Variants in CELF4 observed in about 807,000 individuals in gnomAD.
CELF4 encodes CUGBP Elav-like family member 4, also known as CUG-BP- and ETR-3-like factor 4.
A neutral mutation model predicts 59.9 loss-of-function variants in CELF4; 18 were observed. That is an observed-to-expected ratio of 0.30 (90% CI 0.21 to 0.45). The LOEUF (loss-of-function observed/expected upper bound fraction) is 0.45, where lower values mean the gene tolerates loss of function less well. Among genes scored for constraint, CELF4 ranks in the 20% least tolerant of loss-of-function variants. The pLI is 1.00. For missense variants in CELF4, 456 were observed against 689.0 expected, an observed-to-expected ratio of 0.66 and a Z score of 3.79; for synonymous variants, 261 against 267.1, an observed-to-expected ratio of 0.98 and a Z score of 0.22.
At chr18:37,350,617 T>G (rs1432849542) in intron 2 of CELF4, among the ~76,000 whole-genome samples, 3 of 152,236 alleles carry the variant, frequency 2.0e-5, no homozygotes, top group Non-Finnish European at 4.4e-5. Context: ...GGGGTTGCTC[T>G]GTTTTACTGA....
chr18:37,275,557 G>A (rs1335660782), intron 3 of CELF4: 1 of 384,642 alleles, frequency 2.6e-6, no homozygotes, highest in East Asian at 6.0e-5. Flanking sequence ...GCACCCTGAG[G>A]AGCAGAGACC....
intron 9 of CELF4, 79 bp downstream of exon 9, chr18:37,266,454 C>T: frequency 7.3e-7 from 1 of 1,370,388 alleles, no homozygotes; most frequent in Non-Finnish European, 1.0e-6. Flanking sequence ...GGCCCCAGGC[C>T]TGAGGGGGCA....
chr18:37,275,341 C>A, intron 3 of CELF4, 98 bp from the exon 4 acceptor site: 1 of 1,120,586 alleles, frequency 8.9e-7, no homozygotes, highest in Non-Finnish European at 1.1e-6. Context: ...AAGGGAGGAG[C>A]CGGGGAGGCG....
At chr18:37,533,330 T>G (rs908625711) in intron 1 of CELF4, among the ~76,000 whole-genome samples, 1 of 152,200 alleles carries the variant, frequency 6.6e-6, no homozygotes, top group African/African-American at 2.4e-5. Context: ...GACTCTCTTT[T>G]GCCTCCACTA....
At chr18:37,368,812 T>C (rs552162676) in intron 2 of CELF4, among the ~76,000 whole-genome samples, 2 of 152,350 alleles carry the variant, frequency 1.3e-5, no homozygotes, top group East Asian at 3.9e-4. Context: ...GAGCTGCCCA[T>C]GCACACCTGT....
At chr18:37,454,679 C>T (rs767050305) in intron 2 of CELF4, among the ~76,000 whole-genome samples, 2 of 152,092 alleles carry the variant, frequency 1.3e-5, no homozygotes, top group East Asian at 1.9e-4. Context: ...AAAAAGAGTC[C>T]GCCTGCAAAG....
At chr18:37,557,636 A>ACATCGC (rs1247550840) in intron 1 of CELF4, among the ~76,000 whole-genome samples, 5 of 152,222 alleles carry the variant, frequency 3.3e-5, no homozygotes, top group Non-Finnish European at 7.3e-5. Context: ...CAATAAAGTA[A>ACATCGC]CATCGCGGTC....
intron 3 of CELF4, among the ~76,000 whole-genome samples, chr18:37,300,622 T>C (rs1431706835): frequency 1.3e-5 from 2 of 152,184 alleles, no homozygotes; most frequent in Non-Finnish European, 2.9e-5. Context: ...ACTGTGCAAA[T>C]TGCCAAGATA....
At chr18:37,284,098 C>T (rs563394132) in intron 3 of CELF4, among the ~76,000 whole-genome samples, 2 of 146,990 alleles carry the variant, frequency 1.4e-5, no homozygotes, top group East Asian at 4.6e-4. Context: ...AACATACACA[C>T]ACCAATATGC....
chr18:37,423,211 T>A (rs1407878064), intron 2 of CELF4, among the ~76,000 whole-genome samples: 1 of 152,052 alleles, frequency 6.6e-6, no homozygotes, highest in African/African-American at 2.4e-5. Flanking sequence ...TCCAGGAAGA[T>A]GGGTTGAGGA....
rs1037635154 is a variant in CELF4 at position 37,327,164 on chromosome 18, A to G, written c.370-5283T>C. Among the ~76,000 whole-genome samples the G allele has an allele frequency of 4.6e-5, 7 of 151,886 alleles. No homozygotes were observed. The East Asian group carries it at 1.4e-3, about 29-fold the overall frequency. On this transcript the variant is annotated intron_variant, in intron 2 of 12. Transcript: ENST00000420428. ...GCTGCTCTTTCCTGACTCCCTCCCAACCTCGCCGCTTCCCCTGCCTCCTCT... is the reference window on the plus strand; with the variant it reads ...GCTGCTCTTTCCTGACTCCCTCCCAGCCTCGCCGCTTCCCCTGCCTCCTCT...
chr18:37,461,750 G>A (rs1225622466), intron 2 of CELF4, among the ~76,000 whole-genome samples: 3 of 152,208 alleles, frequency 2.0e-5, no homozygotes, highest in Non-Finnish European at 2.9e-5. Flanking sequence ...CTCAGTGAGT[G>A]GCTGCCATTT....
intron 2 of CELF4, among the ~76,000 whole-genome samples, chr18:37,353,428 C>T (rs2098501014): frequency 1.3e-5 from 2 of 150,988 alleles, no homozygotes; most frequent in Non-Finnish European, 1.5e-5. Context: ...CTGAGGAGAG[C>T]AGTGGATGTG....
chr18:37,497,608 C>T (rs1287253368), intron 1 of CELF4, among the ~76,000 whole-genome samples: 1 of 149,334 alleles, frequency 6.7e-6, no homozygotes, highest in Non-Finnish European at 1.5e-5. Context: ...GCTGAGATCA[C>T]ACCACTGTGC....
chr18:37,556,133 G>T (rs2099984720), intron 1 of CELF4, among the ~76,000 whole-genome samples: 1 of 152,146 alleles, frequency 6.6e-6, no homozygotes, highest in South Asian at 2.1e-4. Context: ...TGCGCAAGGA[G>T]GCTTGGCTTT....
chr18:37,380,963 C>T (rs1328215697), intron 2 of CELF4, among the ~76,000 whole-genome samples: 1 of 151,754 alleles, frequency 6.6e-6, no homozygotes. Context: ...CATCATCTAC[C>T]CACCATATAT....
intron 1 of CELF4, among the ~76,000 whole-genome samples, chr18:37,492,486 T>G (rs1603642572): frequency 6.6e-6 from 1 of 151,858 alleles, no homozygotes; most frequent in African/African-American, 2.4e-5. Flanking sequence ...GGGAAGAGGG[T>G]TACTGATGTT....
chr18:37,443,529 G>A lies in CELF4; in HGVS notation c.369+41996C>T, dbSNP rs555464127. On this transcript the variant is annotated intron_variant, in intron 2 of 12. Coordinates refer to ENST00000420428, the MANE Select transcript of CELF4 (RefSeq NM_020180.4). ...GAAGTGTTTTGGCAGAGGGGCTTCA[G>A]CCAGCGTTTCTCAAAGCAGGACAAT... is the stretch of plus-strand genomic sequence containing the variant. 4.3e-4 allele frequency among the ~76,000 whole-genome samples: 65 copies of A among 152,272 alleles called. No individual in the cohort carries two copies. In the South Asian group the frequency reaches 5.8e-3, roughly 14 times the overall value.
chr18:37,467,621 T>A (rs1028945313), intron 2 of CELF4, among the ~76,000 whole-genome samples: 1 of 151,276 alleles, frequency 6.6e-6, no homozygotes, highest in Non-Finnish European at 1.5e-5. Context: ...GGAAGGAGAG[T>A]CAAAGAGGAG....
Sources: allele counts gnomAD v4.1 joint callset (sites outside exome capture counted in the v4.1 genomes callset), GRCh38; gene constraint gnomAD v4.1.1; transcripts MANE v1.5; gene names NCBI Gene and HGNC (gene_info 2026-07-23, HGNC 2026-07-21).